Variants in SYNE1 observed in about 807,000 individuals in gnomAD.
SYNE1 encodes spectrin repeat containing nuclear envelope protein 1.
A neutral mutation model predicts 1,111.0 loss-of-function variants in SYNE1; 616 were observed. That is an observed-to-expected ratio of 0.55 (90% CI 0.52 to 0.59). The LOEUF (loss-of-function observed/expected upper bound fraction) is 0.59, where lower values mean the gene tolerates loss of function less well. Ranked by LOEUF, SYNE1 falls within the 20% of genes least tolerant of loss-of-function variation. SYNE1 has a pLI of 0.00. For missense variants in SYNE1, 10,006 were observed against 10,417.0 expected, an observed-to-expected ratio of 0.96 and a Z score of 1.72; for synonymous variants, 3,855 against 3,825.8, an observed-to-expected ratio of 1.01 and a Z score of -0.28.
At position 152,236,341 on chromosome 6, in the gene SYNE1, T is replaced by C. The variant is rs375297638; in HGVS notation, c.20200-38A>G. On this transcript the variant is annotated intron_variant, in intron 109 of 145. Transcript: ENST00000367255. ...AATTATTGAGTTAAAAGTTTGGATA[T>C]GCAATTTTTGTCTTTAAGAATTATA... 6 of 1,476,626 alleles carry C rather than the reference T, an allele frequency of 4.1e-6. No individual in the cohort carries two copies. The African/African-American group carries it at 8.3e-5, about 21-fold the overall frequency. 91.5% of individuals were successfully genotyped at this position (1,476,626 alleles called of 1,614,324 possible). A position where few individuals can be genotyped will look rare whatever the true frequency, so the allele number is the denominator to read the frequency against.
chr6:152,517,658 G>A (rs2099118692), intron 6 of SYNE1, among the ~76,000 whole-genome samples: 1 of 152,166 alleles, frequency 6.6e-6, no homozygotes, highest in Non-Finnish European at 1.5e-5. Context: ...CTGTAAAAAT[G>A]AGTAGAGAAA....
Position 152,288,578 on chromosome 6 carries a change from G to A in SYNE1, c.18013-4406C>T, listed in dbSNP as rs148238285. Among the ~76,000 whole-genome samples the A allele has an allele frequency of 3.1e-3, 477 of 152,138 alleles. 5 individuals carry two copies. The highest frequency in any genetic ancestry group is 9.6e-3 in the African/African-American group (397 of 41,502). On this transcript the variant is annotated intron_variant, in intron 95 of 145. Coordinates refer to ENST00000367255, the MANE Select transcript of SYNE1 (RefSeq NM_182961.4). ...TTTAATTTTTTTGGGAGACAGTCTC[G>A]CTCTGTCACCCAGGCTGGAGTGCAG...
intron 96 of SYNE1, among the ~76,000 whole-genome samples, chr6:152,282,317 G>A (rs2094083278): frequency 6.6e-6 from 1 of 152,176 alleles, no homozygotes; most frequent in African/African-American, 2.4e-5. Flanking sequence ...AAAGCGGTTG[G>A]TAAATGGCAG....
chr6:152,390,425 C>G lies in SYNE1; in HGVS notation c.8032G>C (p.Glu2678Gln). ...CCAATGGCCATATTCAACTTAACTTCCCCTTCACCTTTCATCAGGAGAATA... is the reference window on the plus strand; with the variant it reads ...CCAATGGCCATATTCAACTTAACTTGCCCTTCACCTTTCATCAGGAGAATA... Reference protein sequence around the residue: ...QDILLMKGEGEVKLNMAIGKG... With the variant: ...QDILLMKGEGQVKLNMAIGKG... The change falls in exon 53 of 146, where the codon GAA (glutamate) becomes CAA (glutamine). Residue 2678 changes from glutamate to glutamine, a missense_variant. Around this residue, in one of 7 missense-constraint regions of SYNE1, gnomAD observed 4,955 missense variants for 5,017.2 expected, o/e 0.99. Coordinates refer to ENST00000367255, the MANE Select transcript of SYNE1 (RefSeq NM_182961.4). 1 of 1,614,066 alleles carries G rather than the reference C, an allele frequency of 6.2e-7. No individual in the cohort carries two copies. The highest frequency in any genetic ancestry group is 8.5e-7 in the Non-Finnish European group (1 of 1,179,990).
chr6:152,495,305 G>A (rs2098993275), intron 11 of SYNE1, among the ~76,000 whole-genome samples: 1 of 151,978 alleles, frequency 6.6e-6, no homozygotes, highest in Non-Finnish European at 1.5e-5. Context: ...TTTCCCTCAG[G>A]GTCTGAGAAG....
chr6:152,590,158 G>A (rs113871772), intron 3 of SYNE1, among the ~76,000 whole-genome samples: 1,969 of 150,860 alleles, frequency 0.013, 39 homozygotes, highest in African/African-American at 0.044. Flanking sequence ...CTGTTACCAG[G>A]CCTCAAGACA....
intron 3 of SYNE1, among the ~76,000 whole-genome samples, chr6:152,621,999 C>A (rs2099676517): frequency 6.6e-6 from 1 of 152,136 alleles, no homozygotes; most frequent in Non-Finnish European, 1.5e-5. Context: ...TTGCCTTGAT[C>A]AATTTTATCT....
intron 117 of SYNE1, among the ~76,000 whole-genome samples, chr6:152,223,346 G>A (rs1441235221): frequency 6.6e-6 from 1 of 152,162 alleles, no homozygotes; most frequent in Non-Finnish European, 1.5e-5. Flanking sequence ...AGTCGGCCGG[G>A]CATGGTGGCT....
At chr6:152,457,363 C>G (rs541277495) in intron 22 of SYNE1, among the ~76,000 whole-genome samples, 12 of 152,192 alleles carry the variant, frequency 7.9e-5, no homozygotes, top group Non-Finnish European at 1.3e-4. Context: ...AGACTCATTT[C>G]AGACACTCTC....
Position 152,222,119 on chromosome 6 carries a change from T to C in SYNE1, c.21523-560A>G, listed in dbSNP as rs766954473. ...CTTAGCCAACTGAGGTCAGTTTAGA[T>C]TGAGTGGTCCAACCCTAGCCAACAG... On this transcript the variant is annotated intron_variant, in intron 117 of 145. Coordinates refer to ENST00000367255, the MANE Select transcript of SYNE1 (RefSeq NM_182961.4). 5.1e-4 allele frequency among the ~76,000 whole-genome samples: 78 copies of C among 152,314 alleles called. No homozygotes were observed. In the Middle Eastern group the frequency reaches 0.02, roughly 40 times the overall value.
At position 152,334,109 on chromosome 6, in the gene SYNE1, T is replaced by C. The variant is rs1266975368; in HGVS notation, c.12693A>G (p.Gln4231=). Residue 4231 remains glutamine, a synonymous_variant, in exon 77 of 146, where the codon CAA becomes CAG. Coordinates refer to ENST00000367255, the MANE Select transcript of SYNE1 (RefSeq NM_182961.4). ...TTGTTCTCTGAAGATCCTCTTCCCT[T>C]TGCAAGCACAGGTTGTTAGACTGAC... ...LCRQSNNLCL[Q]REEDLQRTRD... is the part of the protein sequence containing the mutation. 2.4e-5 allele frequency: 38 copies of C among 1,614,054 alleles called. No individual in the cohort carries two copies. Among genetic ancestry groups the C allele is most frequent in the Non-Finnish European group, 3.1e-5 (37 of 1,180,040 alleles).
intron 91 of SYNE1, among the ~76,000 whole-genome samples, chr6:152,304,567 G>A (rs898247445): frequency 2.0e-5 from 3 of 151,912 alleles, no homozygotes; most frequent in Non-Finnish European, 4.4e-5. Context: ...CAAGTGATTT[G>A]CCTGCCTTGG....
At chr6:152,516,360 C>T (rs926869691) in intron 6 of SYNE1, among the ~76,000 whole-genome samples, 24 of 152,062 alleles carry the variant, frequency 1.6e-4, no homozygotes, top group African/African-American at 5.8e-4. Context: ...ATTTTTTTTA[C>T]TTTGGGTTGT....
At chr6:152,316,758 A>G (rs1345611387) in intron 87 of SYNE1, 91 bp downstream of exon 87, 9 of 1,500,530 alleles carry the variant, frequency 6.0e-6, no homozygotes, top group Non-Finnish European at 8.2e-6. Context: ...CAAAAATTTT[A>G]CATCACAGCC....
chr6:152,259,202 C>A (rs1286379547), intron 101 of SYNE1, among the ~76,000 whole-genome samples: 2 of 152,172 alleles, frequency 1.3e-5, no homozygotes, highest in Non-Finnish European at 2.9e-5. Context: ...CCGATCATAG[C>A]AACTTTTGAC....
intron 91 of SYNE1, among the ~76,000 whole-genome samples, chr6:152,304,498 C>A (rs1470483919): frequency 6.6e-6 from 1 of 152,108 alleles, no homozygotes; most frequent in East Asian, 1.9e-4. Context: ...CCATGCCCAG[C>A]TAATTTTTGT....
intron 20 of SYNE1, 55 bp downstream of exon 20, chr6:152,462,683 G>T: frequency 6.2e-7 from 1 of 1,608,142 alleles, no homozygotes; most frequent in African/African-American, 1.3e-5. Flanking sequence ...TAAACTTGCT[G>T]ATCTTTCCTC....
chr6:152,158,524 C>A (rs182008886), intron 131 of SYNE1, among the ~76,000 whole-genome samples: 1 of 151,978 alleles, frequency 6.6e-6, no homozygotes, highest in Non-Finnish European at 1.5e-5. Flanking sequence ...AGACACTAGA[C>A]GATAAATTTT....
chr6:152,603,068 G>C (rs763648642), intron 3 of SYNE1, among the ~76,000 whole-genome samples: 22 of 152,170 alleles, frequency 1.4e-4, no homozygotes, highest in Non-Finnish European at 2.6e-4. Context: ...GTGAATTTCA[G>C]ACTCAGATCA....
Sources: gnomAD v4.1 joint callset for allele counts (sites outside exome capture counted in the v4.1 genomes callset) on GRCh38, gnomAD v4.1.1 for gene constraint, gnomAD v4.1.1 regional missense constraint, MANE v1.5 for transcripts, NCBI Gene and HGNC (gene_info 2026-07-23, HGNC 2026-07-21) for gene names.